Variants in MROH2B observed in about 807,000 individuals in gnomAD.
MROH2B encodes maestro heat like repeat family member 2B, also known as maestro heat-like repeat-containing protein family member 2B.
Under a neutral mutation model 208.6 loss-of-function variants are expected in MROH2B, and 177 were observed. That is an observed-to-expected ratio of 0.85 (90% CI 0.75 to 0.96). The LOEUF (loss-of-function observed/expected upper bound fraction) is 0.96, where lower values mean the gene tolerates loss of function less well. Among genes scored for constraint, MROH2B ranks in the 40% least tolerant of loss-of-function variants. The pLI is 0.00. For synonymous variants in MROH2B, 728 were observed against 659.0 expected (o/e 1.10, Z -1.60); for missense variants, 2,002 against 1,878.7 (o/e 1.07, Z -1.21).
chr5:41,052,716 A>G, intron 11 of MROH2B, 129 bp from the exon 12 acceptor site: 1 of 873,172 alleles, frequency 1.1e-6, no homozygotes, highest in Non-Finnish European at 1.6e-6. Context: ...TAAATTGAAT[A>G]GTGTTAATAC....
At chr5:41,055,914 T>G in intron 9 of MROH2B, 59 bp from the exon 10 acceptor site, 4 of 1,195,762 alleles carry the variant, frequency 3.3e-6, no homozygotes, top group Non-Finnish European at 5.0e-6. Context: ...AAAATACTTG[T>G]GAATGGGAGG....
chr5:41,039,567 A>C lies in MROH2B; in HGVS notation c.1954-12T>G. The C allele has an allele frequency of 6.5e-7, 1 of 1,530,648 alleles. No homozygotes were observed. Among genetic ancestry groups the C allele is most frequent in the Non-Finnish European group, 8.9e-7 (1 of 1,119,190 alleles). The allele number at this position is 1,530,648 out of a possible 1,614,324, so 94.8% of individuals were successfully genotyped here. ...ATAGATGTTATTCCCTAAAATCAGA[A>C]AAGGTATGACATTTTGAGTTTAACC... is the stretch of plus-strand genomic sequence containing the variant. On this transcript the variant is annotated splice_polypyrimidine_tract_variant and intron_variant, in intron 19 of 41. Transcript: ENST00000399564.
In MROH2B at chr5:40,998,665, A is replaced by C; in HGVS notation, c.4598T>G (p.Leu1533Arg). ...CTCCACATATTGGCTGGTCAAATTG[A>C]GAACAACGGCATCTAAAGTTAATAG... is the stretch of plus-strand genomic sequence containing the variant. ...AAVKLTDAVV[L>R]NLTSQYVELL... The change falls in exon 41 of 42, where the codon CTC becomes CGC. Residue 1533 changes from leucine (L) to arginine (R), a missense_variant. Physicochemically the swap from Leu to Arg is moderately radical, Grantham distance 102. Transcript: ENST00000399564. 6.3e-7 allele frequency: 1 copy of C among 1,585,340 alleles called. No homozygotes were observed. Among genetic ancestry groups the C allele is most frequent in the South Asian group, 1.2e-5 (1 of 86,636 alleles).
chr5:41,024,386 T>C (rs1302678595), intron 24 of MROH2B, among the ~76,000 whole-genome samples: 1 of 152,146 alleles, frequency 6.6e-6, no homozygotes, highest in Non-Finnish European at 1.5e-5. Context: ...GTTGCAATCC[T>C]AGTCTCTGAT....
chr5:41,016,487 A>G (rs1232864810), intron 28 of MROH2B, among the ~76,000 whole-genome samples: 5 of 141,446 alleles, frequency 3.5e-5, no homozygotes, highest in African/African-American at 1.0e-4. Context: ...TATTTCTGTT[A>G]CTACTGTAAT....
At position 41,005,420 on chromosome 5, in the gene MROH2B, C is replaced by CG. The variant is rs1046394228; in HGVS notation, c.3864+110_3864+111insC. ...TGGTCTCTCCTCTATGAAACCCCCC[C>CG]CCCCCTTGAAGTCTCTCTTCCCTGG... On this transcript the variant is annotated intron_variant, in intron 35 of 41. Coordinates refer to ENST00000399564, the MANE Select transcript of MROH2B (RefSeq NM_173489.5). 3 of 230,278 alleles carry CG rather than the reference C, an allele frequency of 1.3e-5. 1 individual carries two copies. The highest frequency in any genetic ancestry group is 8.6e-5 in the South Asian group (2 of 23,286). 14.3% of individuals were successfully genotyped at this position (230,278 alleles called of 1,614,324 possible). A position where few individuals can be genotyped will look rare whatever the true frequency, so the allele number is the denominator to read the frequency against.
At chr5:41,000,639 G>C (rs752575048) in intron 38 of MROH2B, 39 bp downstream of exon 38, 1 of 1,579,672 alleles carries the variant, frequency 6.3e-7, no homozygotes, top group Non-Finnish European at 8.6e-7. Context: ...TCAGCCATGG[G>C]GAGAGCAGGA....
intron 27 of MROH2B, among the ~76,000 whole-genome samples, 180 bp downstream of exon 27, chr5:41,018,161 C>A (rs559314725): frequency 1.4e-3 from 207 of 152,282 alleles, no homozygotes; most frequent in Non-Finnish European, 2.4e-3. Context: ...GTAAAGAAAA[C>A]CCAATAGCTC....
chr5:41,009,045 C>CA (rs1380482589), intron 32 of MROH2B, among the ~76,000 whole-genome samples: 5 of 152,108 alleles, frequency 3.3e-5, no homozygotes, highest in Non-Finnish European at 7.3e-5. Flanking sequence ...GGATATCTTA[C>CA]AGACTTATCT....
chr5:41,000,341 T>C lies in MROH2B; in HGVS notation c.4361A>G (p.Asp1454Gly). 6.2e-7 allele frequency: 1 copy of C among 1,613,564 alleles called. No homozygotes were observed. The highest frequency in any genetic ancestry group is 8.5e-7 in the Non-Finnish European group (1 of 1,179,748). ...PNPKIGVACR[D>G]VLMVCIPFLG... is the part of the protein sequence containing the mutation. ...AAAGGGAATGCAGACCATCAAGACA[T>C]CACGGCAAGCCTGGAAAACAGAGTT... The change falls in exon 39 of 42, where the codon GAT (aspartate) becomes GGT (glycine). Residue 1454 changes from aspartate (D) to glycine (G), a missense_variant. Coordinates refer to ENST00000399564, the MANE Select transcript of MROH2B (RefSeq NM_173489.5).
chr5:41,007,086 G>T (rs915083684), intron 34 of MROH2B, among the ~76,000 whole-genome samples: 4 of 152,168 alleles, frequency 2.6e-5, no homozygotes, highest in African/African-American at 9.7e-5. Context: ...AGTGTAATTT[G>T]TCTAAAGATG....
At chr5:41,002,596 T>C (rs1353503517) in intron 37 of MROH2B, among the ~76,000 whole-genome samples, 1 of 152,242 alleles carries the variant, frequency 6.6e-6, no homozygotes, top group African/African-American at 2.4e-5. Context: ...TATGTAAAAA[T>C]GGCATTACTG....
intron 21 of MROH2B, among the ~76,000 whole-genome samples, chr5:41,035,188 A>G (rs984961848): frequency 6.6e-6 from 1 of 152,182 alleles, no homozygotes; most frequent in Non-Finnish European, 1.5e-5. Context: ...TTCAAACTAT[A>G]CTATAAGGCT....
At chr5:41,001,847 AG>A (rs1039430162) in intron 37 of MROH2B, among the ~76,000 whole-genome samples, 5 of 152,172 alleles carry the variant, frequency 3.3e-5, no homozygotes, top group South Asian at 4.1e-4. Context: ...AATTTCATGG[AG>A]GTTTTTTTAT....
At chr5:41,054,912 G>A (rs1743397010) in intron 10 of MROH2B, 72 bp from the exon 11 acceptor site, 1 of 1,088,840 alleles carries the variant, frequency 9.2e-7, no homozygotes, top group Non-Finnish European at 1.3e-6. Flanking sequence ...TTGATGAAAA[G>A]CTATTAGAAT....
In MROH2B at chr5:41,038,760, C is replaced by T; in HGVS notation, c.2190G>A (p.Leu730=). ...CCTGAGAGCACTGGCCATGAAGAGA[C>T]AGGACTTGGGATATGATATCTTGAT... ...RLNQDIISQV[L]SLHGQCSQVL... The change falls in exon 21 of 42, where the codon CTG becomes CTA. Residue 730 remains leucine, a synonymous_variant. Coordinates refer to ENST00000399564, the MANE Select transcript of MROH2B (RefSeq NM_173489.5). 1 of 1,612,656 alleles carries T rather than the reference C, an allele frequency of 6.2e-7. No individual in the cohort carries two copies. The highest frequency in any genetic ancestry group is 8.5e-7 in the Non-Finnish European group (1 of 1,179,300).
rs773252644 is a variant in MROH2B at position 41,052,508 on chromosome 5, A to G, written c.1187T>C (p.Ile396Thr). ...YIEAREGWPL[I>T]DYVFSQFATL... ...TGCAAACTGGGAGAAGACATAATCA[A>G]TCAATGGCCATCCTTCCCGAGCTTC... The change falls in exon 12 of 42, where the codon ATT becomes ACT. Residue 396 changes from isoleucine (I) to threonine (T), a missense_variant. Transcript: ENST00000399564. 5 of 1,613,122 alleles carry G rather than the reference A, an allele frequency of 3.1e-6. No individual in the cohort carries two copies. The highest frequency in any genetic ancestry group is 1.1e-5 in the South Asian group (1 of 91,000).
chr5:41,012,740 A>C lies in MROH2B; in HGVS notation c.2983-5T>G. The C allele has an allele frequency of 6.2e-7, 1 of 1,613,198 alleles. No individual in the cohort carries two copies. The highest frequency in any genetic ancestry group is 8.5e-7 in the Non-Finnish European group (1 of 1,179,548). On this transcript the variant is annotated splice_polypyrimidine_tract_variant and splice_region_variant and intron_variant, in intron 29 of 41. Coordinates refer to ENST00000399564, the MANE Select transcript of MROH2B (RefSeq NM_173489.5). ...TGGGATGAACTTACTGACAATCTGA[A>C]AATGCACCCAGAAAGATTCGTGTAA...
intron 27 of MROH2B, 24 bp from the exon 28 acceptor site, chr5:41,017,994 A>G (rs770683739): frequency 1.7e-5 from 27 of 1,565,130 alleles, no homozygotes; most frequent in Non-Finnish European, 2.2e-5. Context: ...GAGGCATCCT[A>G]TTGTGATGGG....
Sources: gnomAD v4.1 joint callset for allele counts (sites outside exome capture counted in the v4.1 genomes callset) on GRCh38, gnomAD v4.1.1 for gene constraint, MANE v1.5 for transcripts, NCBI Gene and HGNC (gene_info 2026-07-23, HGNC 2026-07-21) for gene names.